Variants in KCNIP4 observed in about 807,000 individuals in gnomAD.
KCNIP4 encodes the protein potassium voltage-gated channel interacting protein 4, also known as Kv channel-interacting protein 4.
In KCNIP4, 12 loss-of-function variants were observed where a neutral mutation model predicts 34.0. The observed-to-expected ratio is 0.35, with a 90% confidence interval of 0.23 to 0.57. The LOEUF is 0.57. KCNIP4 is among the 20% of genes least tolerant of loss of function. The probability of loss-of-function intolerance (pLI) is 0.83; values close to 1 mark genes in which losing one functional copy is unlikely to be tolerated. For synonymous variants in KCNIP4, 124 were observed against 102.2 expected, an observed-to-expected ratio of 1.21 and a Z score of -1.29; for missense variants, 238 against 311.7, an observed-to-expected ratio of 0.76 and a Z score of 1.78.
intron 1 of KCNIP4, among the ~76,000 whole-genome samples, chr4:21,098,340 G>T (rs970011668): frequency 1.4e-4 from 21 of 152,188 alleles, no homozygotes. Context: ...TCTTTTATTG[G>T]AAGAAAATGT....
intron 3 of KCNIP4, among the ~76,000 whole-genome samples, chr4:20,821,634 C>A (rs1345572586): frequency 2.6e-5 from 4 of 152,048 alleles, no homozygotes; most frequent in African/African-American, 9.7e-5. Context: ...CTCACCCCCT[C>A]CCACCCTTTC....
At chr4:21,748,889 G>T (rs891113418) in intron 1 of KCNIP4, among the ~76,000 whole-genome samples, 1 of 152,048 alleles carries the variant, frequency 6.6e-6, no homozygotes, top group Non-Finnish European at 1.5e-5. Context: ...CATCCAATTT[G>T]AGAAAAATGG....
chr4:21,504,270 C>A (rs1733606300), intron 1 of KCNIP4, among the ~76,000 whole-genome samples: 1 of 151,798 alleles, frequency 6.6e-6, no homozygotes, highest in South Asian at 2.1e-4. Flanking sequence ...GAGTTCGAGA[C>A]CAGCCTGGCC....
At chr4:20,802,441 G>C (rs1714450509) in intron 3 of KCNIP4, among the ~76,000 whole-genome samples, 1 of 151,844 alleles carries the variant, frequency 6.6e-6, no homozygotes, top group Admixed American at 6.6e-5. Flanking sequence ...GTAATGAATA[G>C]ATCAACCAGA....
intron 1 of KCNIP4, among the ~76,000 whole-genome samples, chr4:21,271,669 T>C (rs866757920): frequency 6.6e-6 from 1 of 151,988 alleles, no homozygotes; most frequent in African/African-American, 2.4e-5. Context: ...CCCAGGTGCT[T>C]TGGGGCTACA....
chr4:21,364,274 T>C (rs1270046842), intron 1 of KCNIP4, among the ~76,000 whole-genome samples: 2 of 152,144 alleles, frequency 1.3e-5, no homozygotes, highest in South Asian at 2.1e-4. Context: ...CCAAACCATA[T>C]ATTTATTGAG....
chr4:21,011,977 G>A (rs113243094), intron 1 of KCNIP4, among the ~76,000 whole-genome samples: 130 of 152,292 alleles, frequency 8.5e-4, no homozygotes, highest in African/African-American at 2.8e-3. Flanking sequence ...TGGTCTTAAC[G>A]TAGTTTCGAT....
intron 1 of KCNIP4, among the ~76,000 whole-genome samples, chr4:21,098,009 G>A (rs1361489143): frequency 1.3e-5 from 2 of 152,124 alleles, no homozygotes. Flanking sequence ...ATAAGAAACT[G>A]AAACAATCTT....
chr4:20,957,000 T>TAAAG (rs140663390), intron 1 of KCNIP4, among the ~76,000 whole-genome samples: 3 of 151,218 alleles, frequency 2.0e-5, no homozygotes, highest in Non-Finnish European at 4.4e-5. Context: ...TTACAATTTT[T>TAAAG]AAAGAAAGAA....
intron 1 of KCNIP4, among the ~76,000 whole-genome samples, chr4:21,548,813 C>G (rs1022410994): frequency 1.2e-4 from 18 of 152,004 alleles, no homozygotes; most frequent in African/African-American, 3.9e-4. Context: ...GAAACCCTCT[C>G]TCACCTATAA....
intron 1 of KCNIP4, among the ~76,000 whole-genome samples, chr4:21,277,598 A>C (rs967785392): frequency 7.2e-5 from 11 of 152,124 alleles, no homozygotes; most frequent in African/African-American, 2.7e-4. Context: ...ATTTAAGAGA[A>C]TCTCACATAA....
intron 1 of KCNIP4, among the ~76,000 whole-genome samples, chr4:21,324,307 C>A (rs1714805081): frequency 6.6e-6 from 1 of 151,964 alleles, no homozygotes; most frequent in African/African-American, 2.4e-5. Context: ...GTATATTCCA[C>A]AAGAAATCTT....
chr4:21,518,942 A>AT (rs1735014698), intron 1 of KCNIP4, among the ~76,000 whole-genome samples: 1 of 152,094 alleles, frequency 6.6e-6, no homozygotes, highest in South Asian at 2.1e-4. Context: ...TGTTTTAAGC[A>AT]CTTTAATTGA....
intron 1 of KCNIP4, among the ~76,000 whole-genome samples, chr4:21,123,904 G>C (rs1750382245): frequency 6.6e-6 from 1 of 152,118 alleles, no homozygotes; most frequent in Non-Finnish European, 1.5e-5. Context: ...AACCACGCTG[G>C]CACCCTGTGC....
At chr4:21,903,758 C>A (rs762817128) in intron 1 of KCNIP4, among the ~76,000 whole-genome samples, 9 of 151,866 alleles carry the variant, frequency 5.9e-5, no homozygotes, top group Non-Finnish European at 1.2e-4. Context: ...ATGGAAGAAC[C>A]ATTAGGAAGT....
At chr4:21,706,418 C>G (rs954941923) in intron 1 of KCNIP4, among the ~76,000 whole-genome samples, 1 of 152,112 alleles carries the variant, frequency 6.6e-6, no homozygotes, top group Admixed American at 6.6e-5. Flanking sequence ...AGTGATGATT[C>G]CACAAGCAAC....
At chr4:21,716,990 T>G (rs2094297280) in intron 1 of KCNIP4, among the ~76,000 whole-genome samples, 1 of 152,170 alleles carries the variant, frequency 6.6e-6, no homozygotes, top group Non-Finnish European at 1.5e-5. Flanking sequence ...ACTACCACAC[T>G]GGAGTTTCTT....
rs11728215 is a variant in KCNIP4, at chr4:20,854,081, G to A, written c.164-3414C>T. Among the ~76,000 whole-genome samples the A allele has an allele frequency of 8.7e-3, 1,330 of 152,280 alleles. 14 individuals carry two copies. The highest frequency in any genetic ancestry group is 0.011 in the Non-Finnish European group (741 of 68,030). On this transcript the variant is annotated intron_variant, in intron 2 of 8. Coordinates refer to ENST00000382152, the MANE Select transcript of KCNIP4 (RefSeq NM_025221.6). ...TACAGCCATTATGGAAAACAATGTG[G>A]AGATTCCTTAAAGAACTAAAAGTAG...
rs1247353206 is a variant in KCNIP4, at chr4:21,694,928, A to AT, written c.61+253642_61+253643insA. On this transcript the variant is annotated intron_variant, in intron 1 of 8. Coordinates refer to ENST00000382152, the MANE Select transcript of KCNIP4 (RefSeq NM_025221.6). The stretch of plus-strand genomic sequence containing the variant: ...ACACGATTGACCAAAAAAAAAAAAA[A>AT]AATAAAAATAAATAAATAAATAAAG... Among the ~76,000 whole-genome samples, 56 of 122,938 alleles carry AT rather than the reference A, an allele frequency of 4.6e-4. 1 individual carries two copies. The highest frequency in any genetic ancestry group is 3.1e-3 in the East Asian group (15 of 4,776). The allele number at this position is 122,938 out of a possible 152,430, so 80.7% of individuals were successfully genotyped here.
Sources: allele counts gnomAD v4.1 joint callset (sites outside exome capture counted in the v4.1 genomes callset), GRCh38; gene constraint gnomAD v4.1.1; transcripts MANE v1.5; gene names NCBI Gene and HGNC (gene_info 2026-07-23, HGNC 2026-07-21).